ROBO1: variants seen among roughly 807,000 people sequenced by gnomAD.
The protein encoded by ROBO1 is roundabout guidance receptor 1.
A neutral mutation model predicts 195.9 loss-of-function variants in ROBO1; 149 were observed. The ratio of observed to expected loss-of-function variants is 0.76; its 90% CI spans 0.67 to 0.87. ROBO1 has a LOEUF of 0.87. Among genes scored for constraint, ROBO1 ranks in the 40% least tolerant of loss-of-function variants. The probability of loss-of-function intolerance (pLI) is 0.00; values close to 1 mark genes in which losing one functional copy is unlikely to be tolerated. For synonymous variants in ROBO1, 816 were observed against 733.2 expected (o/e 1.11, Z -1.82); for missense variants, 1,933 against 2,068.3 (o/e 0.93, Z 1.27).
In ROBO1 at chr3:79,249,015, T is replaced by C. The variant is rs76875656; in HGVS notation, c.89-123476A>G. Among the ~76,000 whole-genome samples the C allele has an allele frequency of 6.5e-3, 995 of 152,374 alleles. 2 individuals carry two copies. The highest frequency in any genetic ancestry group is 0.011 in the Non-Finnish European group (738 of 68,034). ...AGTAGAGAGACTAATGAAGTTTACA[T>C]GTATATCAAGTACTATTAGAAATCT... On this transcript the variant is annotated intron_variant, in intron 2 of 30. Transcript: ENST00000464233.
At chr3:78,820,617 T>G (rs936289266) in intron 4 of ROBO1, among the ~76,000 whole-genome samples, 2 of 152,238 alleles carry the variant, frequency 1.3e-5, no homozygotes, top group African/African-American at 4.8e-5. Context: ...AGCTCCAGTC[T>G]ACACCAGACT....
At chr3:79,643,241 G>A (rs1420285547) in intron 1 of ROBO1, among the ~76,000 whole-genome samples, 2 of 152,104 alleles carry the variant, frequency 1.3e-5, no homozygotes, top group Non-Finnish European at 2.9e-5. Context: ...GGTTTGCCAG[G>A]GGCTCCTGGG....
intron 2 of ROBO1, among the ~76,000 whole-genome samples, chr3:79,529,578 C>A (rs940581455): frequency 2.6e-5 from 4 of 152,164 alleles, no homozygotes; most frequent in African/African-American, 9.7e-5. Flanking sequence ...AGCACAAGCA[C>A]TGCAACACTG....
chr3:78,675,499 C>T (rs964040213), intron 10 of ROBO1, among the ~76,000 whole-genome samples: 66 of 152,274 alleles, frequency 4.3e-4, no homozygotes, highest in African/African-American at 1.2e-3. Flanking sequence ...TAAAAAACGG[C>T]GCACCAGGAG....
chr3:79,480,909 T>C (rs1938815151), intron 2 of ROBO1, among the ~76,000 whole-genome samples: 1 of 152,126 alleles, frequency 6.6e-6, no homozygotes, highest in Non-Finnish European at 1.5e-5. Flanking sequence ...TATTCTAGGG[T>C]GAAGCATAAT....
chr3:79,514,136 T>C (rs1940842410), intron 2 of ROBO1, among the ~76,000 whole-genome samples: 2 of 152,152 alleles, frequency 1.3e-5, no homozygotes, highest in African/African-American at 2.4e-5. Flanking sequence ...AGAGAAAGAA[T>C]AGCTTTCTAG....
At chr3:79,679,317 T>C (rs1252253873) in intron 1 of ROBO1, among the ~76,000 whole-genome samples, 2 of 152,024 alleles carry the variant, frequency 1.3e-5, no homozygotes, top group African/African-American at 4.8e-5. Context: ...CATTTCTTTA[T>C]GATTTTACAT....
intron 3 of ROBO1, among the ~76,000 whole-genome samples, chr3:79,089,299 A>G (rs1296301179): frequency 6.6e-6 from 1 of 152,196 alleles, no homozygotes; most frequent in Non-Finnish European, 1.5e-5. Flanking sequence ...TGTTAGCATT[A>G]GATGAACAAG....
intron 4 of ROBO1, among the ~76,000 whole-genome samples, chr3:78,904,670 G>C (rs1236018266): frequency 6.6e-6 from 1 of 150,636 alleles, no homozygotes; most frequent in Non-Finnish European, 1.5e-5. Flanking sequence ...TTGTCTGTGT[G>C]TATGTATATG....
intron 1 of ROBO1, among the ~76,000 whole-genome samples, chr3:79,661,885 G>C (rs911049293): frequency 1.3e-5 from 2 of 152,020 alleles, no homozygotes; most frequent in African/African-American, 4.8e-5. Context: ...AATGTGGAAT[G>C]ATTTTTACTG....
At chr3:79,182,979 G>A (rs1172184169) in intron 2 of ROBO1, among the ~76,000 whole-genome samples, 3 of 151,342 alleles carry the variant, frequency 2.0e-5, no homozygotes, top group African/African-American at 7.3e-5. Context: ...TACTCGGGAG[G>A]CTGAGGCAGG....
intron 1 of ROBO1, among the ~76,000 whole-genome samples, chr3:79,654,155 G>A (rs953487155): frequency 8.6e-5 from 13 of 151,878 alleles, no homozygotes; most frequent in East Asian, 1.9e-4. Flanking sequence ...ACTAATGAGA[G>A]GATAACCTGA....
intron 4 of ROBO1, among the ~76,000 whole-genome samples, chr3:78,865,873 A>C (rs2035145053): frequency 6.6e-6 from 1 of 152,202 alleles, no homozygotes; most frequent in Non-Finnish European, 1.5e-5. Flanking sequence ...TCAAAAGGAC[A>C]AGACTCCTTA....
chr3:79,218,646 T>C (rs1050225933), intron 2 of ROBO1, among the ~76,000 whole-genome samples: 2 of 152,010 alleles, frequency 1.3e-5, no homozygotes, highest in Admixed American at 6.6e-5. Flanking sequence ...TTTTAAGTGT[T>C]ACAGTTGAAG....
chr3:79,055,885 A>G (rs2078798112), intron 3 of ROBO1, among the ~76,000 whole-genome samples: 1 of 152,028 alleles, frequency 6.6e-6, no homozygotes, highest in Admixed American at 6.6e-5. Flanking sequence ...TCTAAGGAAA[A>G]ACTGGAGGTT....
At chr3:78,844,638 C>A (rs2033527416) in intron 4 of ROBO1, among the ~76,000 whole-genome samples, 1 of 151,958 alleles carries the variant, frequency 6.6e-6, no homozygotes, top group Non-Finnish European at 1.5e-5. Context: ...TGCTCTTTTA[C>A]CTCACCTGAA....
intron 2 of ROBO1, among the ~76,000 whole-genome samples, chr3:79,362,140 TATTA>T (rs935748448): frequency 1.3e-5 from 2 of 152,114 alleles, no homozygotes; most frequent in African/African-American, 2.4e-5. Context: ...ATTTAATTAT[TATTA>T]ATTAACGAGG....
At chr3:78,691,258 T>C (rs1368931064) in intron 8 of ROBO1, among the ~76,000 whole-genome samples, 1 of 152,142 alleles carries the variant, frequency 6.6e-6, no homozygotes, top group East Asian at 1.9e-4. Context: ...TTTATGATAT[T>C]TATGATGAAA....
chr3:78,626,523 C>G (rs1704790857), intron 26 of ROBO1, among the ~76,000 whole-genome samples: 1 of 151,972 alleles, frequency 6.6e-6, no homozygotes. Flanking sequence ...ATAATATACT[C>G]AATTTCAAAT....
Sources: gnomAD v4.1 joint callset for allele counts (sites outside exome capture counted in the v4.1 genomes callset) on GRCh38, gnomAD v4.1.1 for gene constraint, MANE v1.5 for transcripts, NCBI Gene and HGNC (gene_info 2026-07-23, HGNC 2026-07-21) for gene names.